The following CASZ1 variants were observed in gnomAD, a reference collection of about 807,000 sequenced individuals.
The protein encoded by CASZ1 is castor zinc finger 1.
In CASZ1, 28 loss-of-function variants were observed where a neutral mutation model predicts 135.2. That is an observed-to-expected ratio of 0.21 (90% confidence interval 0.15 to 0.28). The LOEUF (loss-of-function observed/expected upper bound fraction) is 0.28, where lower values mean the gene tolerates loss of function less well. Among genes scored for constraint, CASZ1 ranks in the 10% least tolerant of loss-of-function variants. CASZ1 has a pLI of 1.00. For synonymous variants in CASZ1, 1,068 were observed against 1,073.4 expected (o/e 0.99, Z 0.10); for missense variants, 2,161 against 2,453.3 (o/e 0.88, Z 2.52).
intron 15 of CASZ1, chr1:10,648,618 GC>G: frequency 5.1e-6 from 1 of 194,608 alleles, no homozygotes; most frequent in Admixed American, 5.2e-5. Flanking sequence ...TAGGCTCGAA[GC>G]CTTTTAACTC....
intron 4 of CASZ1, among the ~76,000 whole-genome samples, chr1:10,683,852 G>T (rs1056954130): frequency 7.2e-5 from 11 of 152,176 alleles, no homozygotes; most frequent in Non-Finnish European, 1.6e-4. Flanking sequence ...TGCAGCCCAG[G>T]GATGTGTTTG....
intron 2 of CASZ1, among the ~76,000 whole-genome samples, chr1:10,742,097 C>T (rs576894325): frequency 5.3e-5 from 8 of 152,296 alleles, no homozygotes; most frequent in Non-Finnish European, 1.2e-4. Context: ...ATACCTCACC[C>T]ATGACATGAA....
chr1:10,783,871 C>CAAAAAA (rs34487572), intron 1 of CASZ1, among the ~76,000 whole-genome samples: 1 of 78,944 alleles, frequency 1.3e-5, no homozygotes, highest in Non-Finnish European at 2.3e-5. Flanking sequence ...GACTCCGTCT[C>CAAAAAA]AAAAAAAAAA....
rs1265215112 is a variant in CASZ1 at position 10,717,733 on chromosome 1, G to C, written c.-76-12189C>G. The stretch of plus-strand genomic sequence containing the variant: ...CTGATGTCAGAGCTGCCGGCACCCT[G>C]AACTCGGTCCCAGGGCGTGGCATGG... On this transcript the variant is annotated intron_variant, in intron 2 of 20. Transcript: ENST00000377022. This position sits in a 1 kb window ranked among gnomAD's most constrained non-coding sequence, Gnocchi z 4.6. Among the ~76,000 whole-genome samples the C allele has an allele frequency of 6.6e-6, 1 of 152,192 alleles. No individual in the cohort carries two copies. Among genetic ancestry groups the C allele is most frequent in the Non-Finnish European group, 1.5e-5 (1 of 68,022 alleles).
intron 5 of CASZ1, among the ~76,000 whole-genome samples, chr1:10,663,863 T>C (rs1643136086): frequency 6.6e-6 from 1 of 152,198 alleles, no homozygotes; most frequent in Admixed American, 6.5e-5. Flanking sequence ...TCCACTCCTC[T>C]GGGGGAAGGA....
intron 4 of CASZ1, 108 bp downstream of exon 4, chr1:10,693,766 G>A: frequency 1.4e-6 from 1 of 740,212 alleles, no homozygotes; most frequent in Non-Finnish European, 2.3e-6. Context: ...GACCCTCCCG[G>A]CCCCCACCCG....
intron 1 of CASZ1, among the ~76,000 whole-genome samples, chr1:10,790,161 C>T (rs910100166): frequency 6.6e-5 from 10 of 152,168 alleles, no homozygotes; most frequent in African/African-American, 2.4e-4. Context: ...TGACTTCTGG[C>T]CATCTGGGAC....
intron 12 of CASZ1, 79 bp downstream of exon 12, chr1:10,650,862 G>A (rs945382908): frequency 1.2e-6 from 2 of 1,603,250 alleles, no homozygotes; most frequent in Non-Finnish European, 1.7e-6. Flanking sequence ...CGCTGCAACT[G>A]CCTGGGCGGG....
At chr1:10,654,348 C>T in intron 10 of CASZ1, 71 bp downstream of exon 10, 1 of 1,584,614 alleles carries the variant, frequency 6.3e-7, no homozygotes, top group Non-Finnish European at 8.6e-7. Context: ...CCTGAGCCGT[C>T]CCACGAGCCT....
At position 10,659,985 on chromosome 1, in the gene CASZ1, C is replaced by T. The variant is rs770141588; in HGVS notation, c.1057G>A (p.Gly353Arg). The part of the protein sequence containing the change: ...NVKYLHLFKP[G>R]EGSPDMGGAI... The stretch of plus-strand genomic sequence containing the variant: ...CCGCCCATGTCGGGGCTGCCCTCCC[C>T]GGGTTTGAAGAGGTGCAGGTACTTG... Residue 353 changes from glycine (G) to arginine (R), a missense_variant, in exon 6 of 21, where the codon GGG becomes AGG. Physicochemically the swap from Gly to Arg is moderately radical, Grantham distance 125. Transcript: ENST00000377022. 126 of 1,613,578 alleles carry T rather than the reference C, an allele frequency of 7.8e-5. No individual in the cohort carries two copies. Among genetic ancestry groups the T allele is most frequent in the Non-Finnish European group, 9.5e-5 (112 of 1,180,002 alleles).
intron 2 of CASZ1, among the ~76,000 whole-genome samples, chr1:10,723,203 G>C (rs1639535608): frequency 1.3e-5 from 2 of 152,186 alleles, no homozygotes; most frequent in African/African-American, 4.8e-5. Flanking sequence ...GGTGGGTAGG[G>C]GGACAAGAGG....
intron 17 of CASZ1, 112 bp from the exon 18 acceptor site, chr1:10,645,200 G>A (rs1394554120): frequency 1.3e-5 from 12 of 900,496 alleles, no homozygotes; most frequent in East Asian, 7.5e-5. Flanking sequence ...TCTCTGCTCA[G>A]AAGCTGATGA....
chr1:10,794,575 C>T lies in CASZ1; in HGVS notation c.-234+1989G>A, dbSNP rs1641028436. On this transcript the variant is annotated intron_variant, in intron 1 of 20. Transcript: ENST00000377022. The surrounding 1 kb of genome is among the most constrained non-coding windows in gnomAD (Gnocchi z 5.6). ...GCCAGCGTGGCTGGAAGGAGGTCCTCGCCGCGCCCAGAGCCGGCTTTCCAA... is the reference window on the plus strand; with the variant it reads ...GCCAGCGTGGCTGGAAGGAGGTCCTTGCCGCGCCCAGAGCCGGCTTTCCAA... 6.6e-6 allele frequency among the ~76,000 whole-genome samples: 1 copy of T among 152,080 alleles called. No individual in the cohort carries two copies. Among genetic ancestry groups the T allele is most frequent in the African/African-American group, 2.4e-5 (1 of 41,420 alleles).
Position 10,657,324 on chromosome 1 carries a change from C to T in CASZ1, c.1410-588G>A, listed in dbSNP as rs990996286. 1.3e-5 allele frequency among the ~76,000 whole-genome samples: 2 copies of T among 152,340 alleles called. No homozygotes were observed. The highest frequency in any genetic ancestry group is 2.1e-4 in the South Asian group (1 of 4,828). On this transcript the variant is annotated intron_variant, in intron 7 of 20. Coordinates refer to ENST00000377022, the MANE Select transcript of CASZ1 (RefSeq NM_001079843.3). The surrounding 1 kb of genome is among the most constrained non-coding windows in gnomAD (Gnocchi z 5.7). ...CCCGTCCTCCTCCAGGCCCCAGGGC[C>T]GCTGGGACGTGGCTCCCACAGCCTC...
intron 2 of CASZ1, among the ~76,000 whole-genome samples, chr1:10,723,757 C>G (rs1416357095): frequency 6.6e-6 from 1 of 152,188 alleles, no homozygotes; most frequent in African/African-American, 2.4e-5. Context: ...TGGCCTGGGT[C>G]CTTCAGGACT....
intron 2 of CASZ1, among the ~76,000 whole-genome samples, chr1:10,734,654 T>C (rs1639762131): frequency 6.6e-6 from 1 of 151,062 alleles, no homozygotes; most frequent in African/African-American, 2.4e-5. Flanking sequence ...TTGTTTTAAG[T>C]AAAGAAAAAA....
intron 2 of CASZ1, among the ~76,000 whole-genome samples, chr1:10,736,531 C>T (rs1369994932): frequency 6.6e-6 from 1 of 152,194 alleles, no homozygotes; most frequent in Non-Finnish European, 1.5e-5. Flanking sequence ...ACTTAAGAAA[C>T]GCTGGCAACA....
chr1:10,692,257 C>T (rs1022949656), intron 4 of CASZ1, among the ~76,000 whole-genome samples: 1 of 152,222 alleles, frequency 6.6e-6, no homozygotes, highest in Non-Finnish European at 1.5e-5. Flanking sequence ...AGGAGGAGGC[C>T]GACCAGAGGG....
intron 1 of CASZ1, among the ~76,000 whole-genome samples, chr1:10,765,547 C>T (rs1202988861): frequency 2.6e-5 from 4 of 152,172 alleles, no homozygotes; most frequent in Non-Finnish European, 5.9e-5. Context: ...GGTACACAAA[C>T]AGGGCAGACA....
Sources: gnomAD v4.1 joint callset for allele counts (sites outside exome capture counted in the v4.1 genomes callset) on GRCh38, gnomAD v4.1.1 for gene constraint, Gnocchi (gnomAD v3.1) non-coding constraint, MANE v1.5 for transcripts, NCBI Gene and HGNC (gene_info 2026-07-23, HGNC 2026-07-21) for gene names.